CLINT1: variants seen among roughly 807,000 people sequenced by gnomAD.
CLINT1 encodes clathrin interactor 1, also known as clathrin interacting protein localized in the trans-Golgi region.
Under a neutral mutation model 70.4 loss-of-function variants are expected in CLINT1, and 15 were observed. The ratio of observed to expected loss-of-function variants is 0.21; its 90% confidence interval spans 0.14 to 0.33. The LOEUF is 0.33. Ranked by LOEUF, CLINT1 falls within the 10% of genes least tolerant of loss-of-function variation. CLINT1 has a pLI of 1.00. For synonymous variants in CLINT1, 227 were observed against 254.7 expected (o/e 0.89, Z 1.04); for missense variants, 615 against 778.1 (o/e 0.79, Z 2.49).
intron 1 of CLINT1, among the ~76,000 whole-genome samples, chr5:157,844,530 CAAGATT>C (rs1753303271): frequency 6.6e-6 from 1 of 152,100 alleles, no homozygotes; most frequent in Non-Finnish European, 1.5e-5. Flanking sequence ...CAAGGTCAGC[CAAGATT>C]AGTAAGGATA....
chr5:157,806,646 T>G (rs1762394719), intron 6 of CLINT1, among the ~76,000 whole-genome samples: 1 of 152,174 alleles, frequency 6.6e-6, no homozygotes, highest in African/African-American at 2.4e-5. Flanking sequence ...ATTCGAATAA[T>G]TAAACTCATC....
intron 1 of CLINT1, among the ~76,000 whole-genome samples, chr5:157,818,611 T>A (rs1360580854): frequency 6.6e-6 from 1 of 151,550 alleles, no homozygotes; most frequent in Non-Finnish European, 1.5e-5. Context: ...ACCGCCCAAC[T>A]GTACCCCAGC....
chr5:157,790,411 G>C (rs1761865915), intron 10 of CLINT1: 1 of 283,610 alleles, frequency 3.5e-6, no homozygotes, highest in Admixed American at 5.0e-5. Flanking sequence ...GGAGAAAGAA[G>C]CAGAGGTTCC....
At position 157,830,784 on chromosome 5, in the gene CLINT1, CTCTCTCTCTCTCTATA is replaced by C. The variant is rs1348687544; in HGVS notation, c.42-13253_42-13238del. 2.5e-4 allele frequency among the ~76,000 whole-genome samples: 34 copies of C among 133,634 alleles called. 1 individual carries two copies. The East Asian group carries it at 7.5e-3, about 29-fold the overall frequency. 87.7% of individuals were successfully genotyped at this position (133,634 alleles called of 152,430 possible). A position where few individuals can be genotyped will look rare whatever the true frequency, so the allele number is the denominator to read the frequency against. ...TCTCTCTCTCTCTCTCTCTCTCTCT[CTCTCTCTCTCTCTATA>C]TATATATATATATATAGAAACACAT... On this transcript the variant is annotated intron_variant, in intron 1 of 11. Transcript: ENST00000411809.
At chr5:157,809,514 G>C in intron 6 of CLINT1, 114 bp downstream of exon 6, 1 of 658,448 alleles carries the variant, frequency 1.5e-6, no homozygotes, top group Non-Finnish European at 2.3e-6. Context: ...AAAAAAAAAG[G>C]CCCAATTTCA....
At chr5:157,789,327 G>T in intron 11 of CLINT1, 36 bp downstream of exon 11, 3 of 1,573,556 alleles carry the variant, frequency 1.9e-6, no homozygotes, top group South Asian at 2.2e-5. Context: ...AAGACTGCAA[G>T]TACACAAAGA....
At chr5:157,850,509 A>G (rs1753535855) in intron 1 of CLINT1, among the ~76,000 whole-genome samples, 1 of 148,204 alleles carries the variant, frequency 6.7e-6, no homozygotes, top group Non-Finnish European at 1.5e-5. Flanking sequence ...TACTTGGGGG[A>G]CTAAGGTGGG....
rs1318330715 is a variant in CLINT1, at chr5:157,858,982, C to T, written c.-12G>A. ...CACATGTTCAACATCGTGCCCCGCG[C>T]GGGACGGTCCGCCGCCTCCCTCTCC... On this transcript the variant is annotated 5_prime_UTR_variant, in exon 1 of 12. Coordinates refer to ENST00000411809, the MANE Select transcript of CLINT1 (RefSeq NM_014666.4). 6.2e-7 allele frequency: 1 copy of T among 1,610,558 alleles called. No individual in the cohort carries two copies. Among genetic ancestry groups the T allele is most frequent in the Non-Finnish European group, 8.5e-7 (1 of 1,178,556 alleles).
chr5:157,802,128 C>G (rs1049557480), intron 8 of CLINT1, among the ~76,000 whole-genome samples: 1 of 152,138 alleles, frequency 6.6e-6, no homozygotes, highest in Non-Finnish European at 1.5e-5. Flanking sequence ...CTCCTGACCT[C>G]AGGTGATCCG....
intron 1 of CLINT1, among the ~76,000 whole-genome samples, chr5:157,830,437 A>C (rs1763185363): frequency 6.6e-6 from 1 of 151,868 alleles, no homozygotes; most frequent in Non-Finnish European, 1.5e-5. Context: ...TCATTTTTTA[A>C]AACTCGTTTT....
At chr5:157,810,429 C>A (rs748164736) in intron 5 of CLINT1, among the ~76,000 whole-genome samples, 24 of 152,198 alleles carry the variant, frequency 1.6e-4, no homozygotes, top group Non-Finnish European at 1.2e-4. Flanking sequence ...ACTACACATA[C>A]TAGAATCAGG....
intron 1 of CLINT1, among the ~76,000 whole-genome samples, chr5:157,858,661 A>T (rs1441403482): frequency 6.6e-6 from 1 of 152,144 alleles, no homozygotes. Flanking sequence ...GTCGGCACCC[A>T]GGGGTTGGAA....
intron 1 of CLINT1, among the ~76,000 whole-genome samples, chr5:157,855,246 A>G (rs1753721645): frequency 6.6e-6 from 1 of 152,028 alleles, no homozygotes; most frequent in African/African-American, 2.4e-5. Flanking sequence ...GCTTGAACAA[A>G]TAAGTAGCAG....
intron 10 of CLINT1, chr5:157,790,353 A>G (rs1761864339): frequency 4.3e-6 from 1 of 234,578 alleles, no homozygotes; most frequent in Non-Finnish European, 8.5e-6. Context: ...AGCAACACTA[A>G]CTGAACTGAT....
intron 1 of CLINT1, among the ~76,000 whole-genome samples, chr5:157,839,720 AATCTATCT>A (rs10632085): frequency 0.026 from 3,883 of 148,484 alleles, 63 homozygotes; most frequent in East Asian, 0.05. Context: ...TTACAACAAA[AATCTATCT>A]ATCTATCTAT....
intron 1 of CLINT1, among the ~76,000 whole-genome samples, chr5:157,855,043 C>G (rs1227201394): frequency 6.6e-6 from 1 of 151,046 alleles, no homozygotes; most frequent in Non-Finnish European, 1.5e-5. Flanking sequence ...ACTCGGGAGG[C>G]TGAGGCAGGA....
At chr5:157,811,315 C>A (rs1026436300) in intron 5 of CLINT1, among the ~76,000 whole-genome samples, 2 of 151,982 alleles carry the variant, frequency 1.3e-5, no homozygotes, top group Non-Finnish European at 2.9e-5. Context: ...GCCAAGGTGG[C>A]TGGATCACTT....
chr5:157,821,058 C>G (rs944106252), intron 1 of CLINT1, among the ~76,000 whole-genome samples: 2 of 152,100 alleles, frequency 1.3e-5, no homozygotes, highest in African/African-American at 4.8e-5. Flanking sequence ...TATCTCTTTA[C>G]ACTTAGTTGT....
At chr5:157,830,784 CTCTCTCTCTCTCTA>C (rs1459487838) in intron 1 of CLINT1, among the ~76,000 whole-genome samples, 6 of 133,634 alleles carry the variant, frequency 4.5e-5, no homozygotes, top group East Asian at 4.8e-4. Context: ...CTCTCTCTCT[CTCTCTCTCTCTCTA>C]TATATATATA....
Sources: allele counts gnomAD v4.1 joint callset (sites outside exome capture counted in the v4.1 genomes callset), GRCh38; gene constraint gnomAD v4.1.1; transcripts MANE v1.5; gene names NCBI Gene and HGNC (gene_info 2026-07-23, HGNC 2026-07-21).